PCBD2: variants seen among roughly 807,000 people sequenced by gnomAD.
The protein encoded by PCBD2 is pterin-4-alpha-carbinolamine dehydratase 2.
Under a neutral mutation model 16.4 loss-of-function variants are expected in PCBD2, and 12 were observed. The observed-to-expected ratio is 0.73, with a 90% CI of 0.47 to 1.19. The LOEUF (loss-of-function observed/expected upper bound fraction) is 1.19, where lower values mean the gene tolerates loss of function less well. PCBD2 is among the 50% of genes most tolerant of loss of function. PCBD2 has a pLI of 0.00. For synonymous variants in PCBD2, 58 were observed against 61.8 expected (o/e 0.94, Z 0.29); for missense variants, 138 against 156.8 (o/e 0.88, Z 0.64).
rs1450439363 is a variant in PCBD2 at position 134,905,258 on chromosome 5, G to C, written c.84+35G>C. ...CAGCGGCCGCGTGGGTGGGGGTCCGGGGTCGGGGGGCGGTGCGAGGCCCGG... is the reference window on the plus strand; with the variant it reads ...CAGCGGCCGCGTGGGTGGGGGTCCGCGGTCGGGGGGCGGTGCGAGGCCCGG... On this transcript the variant is annotated intron_variant, in intron 1 of 3. Coordinates refer to ENST00000254908, the MANE Select transcript of PCBD2 (RefSeq NM_032151.5). 10 of 1,222,046 alleles carry C rather than the reference G, an allele frequency of 8.2e-6. No individual in the cohort carries two copies. The South Asian group carries it at 1.2e-4, about 15-fold the overall frequency. 75.7% of individuals were successfully genotyped at this position (1,222,046 alleles called of 1,614,324 possible).
chr5:134,920,775 C>A (rs539624907), intron 2 of PCBD2, among the ~76,000 whole-genome samples: 1 of 152,234 alleles, frequency 6.6e-6, no homozygotes, highest in Non-Finnish European at 1.5e-5. Context: ...CCCACCTCAG[C>A]CTCTCAAGTA....
intron 2 of PCBD2, among the ~76,000 whole-genome samples, chr5:134,936,416 C>T (rs548632422): frequency 3.9e-5 from 6 of 152,342 alleles, no homozygotes; most frequent in South Asian, 4.1e-4. Flanking sequence ...CCTTGAGGAA[C>T]GGGAGCTGTG....
chr5:134,941,104 G>C (rs1751222173), intron 2 of PCBD2, among the ~76,000 whole-genome samples: 2 of 134,570 alleles, frequency 1.5e-5, no homozygotes, highest in African/African-American at 5.6e-5. Flanking sequence ...AATAGAGCGA[G>C]AGTCCATCTC....
At chr5:134,946,025 T>A (rs899298522) in intron 2 of PCBD2, among the ~76,000 whole-genome samples, 1 of 151,958 alleles carries the variant, frequency 6.6e-6, no homozygotes, top group Non-Finnish European at 1.5e-5. Context: ...TCTTTGTGGC[T>A]ATAAGCCCTG....
At chr5:134,954,129 T>A (rs552202335) in intron 2 of PCBD2, among the ~76,000 whole-genome samples, 53 of 152,222 alleles carry the variant, frequency 3.5e-4, no homozygotes, top group African/African-American at 1.2e-3. Flanking sequence ...AGCTAATTTT[T>A]AAAATTTTTT....
chr5:134,930,980 T>C (rs1179749727), intron 2 of PCBD2, among the ~76,000 whole-genome samples: 2 of 152,174 alleles, frequency 1.3e-5, no homozygotes, highest in African/African-American at 2.4e-5. Flanking sequence ...TGCAGTGGCA[T>C]GATCGTGGCT....
chr5:134,929,346 CAAAAA>C (rs74273275), intron 2 of PCBD2, among the ~76,000 whole-genome samples: 2 of 91,348 alleles, frequency 2.2e-5, no homozygotes, highest in Non-Finnish European at 2.2e-5. Context: ...GACCTTGTCT[CAAAAA>C]AAAAAAAAAA....
intron 2 of PCBD2, among the ~76,000 whole-genome samples, chr5:134,911,138 A>T (rs954038970): frequency 2.0e-5 from 3 of 152,216 alleles, no homozygotes; most frequent in African/African-American, 7.2e-5. Context: ...TGGTTGAGGA[A>T]GATGTACCTG....
chr5:134,945,214 T>C lies in PCBD2; in HGVS notation c.217-13826T>C, dbSNP rs531184648. Among the ~76,000 whole-genome samples the C allele has an allele frequency of 4.6e-5, 7 of 152,298 alleles. No individual in the cohort carries two copies. In the South Asian group the frequency reaches 1.5e-3, roughly 32 times the overall value. ...CTCCAGCAGTGTGCTTTTTTTGCCC[T>C]GATGGTTTAGAGCCAGTTGCATGAC... On this transcript the variant is annotated intron_variant, in intron 2 of 3. Transcript: ENST00000254908.
chr5:134,916,724 A>G (rs532673887), intron 2 of PCBD2, among the ~76,000 whole-genome samples: 2 of 152,386 alleles, frequency 1.3e-5, no homozygotes, highest in Admixed American at 6.5e-5. Context: ...TGGAGATTAT[A>G]AGTACGGAGT....
At chr5:134,955,399 C>T (rs1751403729) in intron 2 of PCBD2, among the ~76,000 whole-genome samples, 1 of 151,390 alleles carries the variant, frequency 6.6e-6, no homozygotes. Flanking sequence ...CCTCTGCCTC[C>T]TGGGTTCAAG....
intron 2 of PCBD2, among the ~76,000 whole-genome samples, chr5:134,952,417 G>C (rs1751368946): frequency 1.3e-5 from 2 of 152,142 alleles, no homozygotes; most frequent in Admixed American, 1.3e-4. Context: ...CTTTAAAAGT[G>C]TTATTCTCAG....
chr5:134,905,264 G>C (rs906463985), intron 1 of PCBD2, 41 bp downstream of exon 1: 14 of 1,220,656 alleles, frequency 1.1e-5, no homozygotes, highest in Admixed American at 4.3e-5. Flanking sequence ...TCCGGGGTCG[G>C]GGGGCGGTGC....
At chr5:134,935,602 G>C (rs531462441) in intron 2 of PCBD2, among the ~76,000 whole-genome samples, 7 of 152,102 alleles carry the variant, frequency 4.6e-5, no homozygotes, top group Non-Finnish European at 1.0e-4. Context: ...TTTCTTTGGT[G>C]TCCTCTCATT....
chr5:134,943,447 A>G (rs1751256265), intron 2 of PCBD2, among the ~76,000 whole-genome samples: 1 of 152,232 alleles, frequency 6.6e-6, no homozygotes, highest in Admixed American at 6.5e-5. Flanking sequence ...AGCACTCAGA[A>G]TGCCACCAGT....
intron 2 of PCBD2, chr5:134,926,815 G>T: frequency 2.5e-6 from 1 of 398,074 alleles, no homozygotes; most frequent in South Asian, 1.3e-4. Context: ...AATATGTAGA[G>T]GGAGTATAGG....
chr5:134,912,461 G>A (rs1458489040), intron 2 of PCBD2, among the ~76,000 whole-genome samples: 1 of 152,188 alleles, frequency 6.6e-6, no homozygotes, highest in African/African-American at 2.4e-5. Context: ...AGCCCATATA[G>A]GATTTGGGCT....
intron 2 of PCBD2, chr5:134,926,941 T>A: frequency 2.5e-6 from 1 of 398,448 alleles, no homozygotes; most frequent in Admixed American, 4.4e-5. Context: ...AAGGCGAGAT[T>A]AGTGAGGCTT....
chr5:134,937,958 A>G (rs1369195962), intron 2 of PCBD2, among the ~76,000 whole-genome samples: 1 of 151,968 alleles, frequency 6.6e-6, no homozygotes, highest in East Asian at 1.9e-4. Flanking sequence ...CTTTCATTTC[A>G]TTGGGCTTGG....
Sources: allele counts gnomAD v4.1 joint callset (sites outside exome capture counted in the v4.1 genomes callset), GRCh38; gene constraint gnomAD v4.1.1; transcripts MANE v1.5; gene names NCBI Gene and HGNC (gene_info 2026-07-23, HGNC 2026-07-21).